Variants in ADAMTSL2 observed in about 807,000 individuals in gnomAD.
ADAMTSL2 encodes ADAMTS-like protein 2.
In ADAMTSL2, 55 loss-of-function variants were observed where a neutral mutation model predicts 117.0. The ratio of observed to expected loss-of-function variants is 0.47; its 90% CI spans 0.38 to 0.59. ADAMTSL2 has a LOEUF of 0.59. Ranked by LOEUF, ADAMTSL2 falls within the 20% of genes least tolerant of loss-of-function variation. ADAMTSL2 has a pLI of 0.00. For synonymous variants in ADAMTSL2, 572 were observed against 566.4 expected (o/e 1.01, Z -0.14); for missense variants, 1,182 against 1,354.5 (o/e 0.87, Z 2.00).
chr9:133,551,812 CTTTTTTTTTTTTTTTTT>C (rs56225051), intron 9 of ADAMTSL2, among the ~76,000 whole-genome samples: 1 of 111,064 alleles, frequency 9.0e-6, no homozygotes, highest in South Asian at 3.7e-4. Flanking sequence ...AAAGCAGCAG[CTTTTTTTTTTTTTTTTT>C]TTTTTTTTTG....
chr9:133,544,354 T>G (rs1207335616), intron 7 of ADAMTSL2, 116 bp from the exon 8 acceptor site: 1 of 890,200 alleles, frequency 1.1e-6, no homozygotes, highest in South Asian at 1.3e-5. Flanking sequence ...GGTGTGGGGG[T>G]TGGGCCAGCC....
chr9:133,570,427 G>C lies in ADAMTSL2; in HGVS notation c.2512G>C (p.Gly838Arg). ...GCAGACGCGCAGTGGCCCCGAGTGC[G>C]GGCTCGCCAAGAAGCCTCCCGAGGA... ...KPQTRSGPEC[G>R]LAKKPPEEST... The change falls in exon 17 of 19, where the codon GGG becomes CGG. Residue 838 changes from glycine to arginine, a missense_variant. By Grantham distance (125) the Gly-to-Arg change is moderately radical (BLOSUM62 -2). Coordinates refer to ENST00000651351, the MANE Select transcript of ADAMTSL2 (RefSeq NM_014694.4). The C allele has an allele frequency of 6.2e-7, 1 of 1,604,800 alleles. No homozygotes were observed. The highest frequency in any genetic ancestry group is 1.1e-5 in the South Asian group (1 of 89,422).
At chr9:133,539,401 C>G (rs920114470) in intron 4 of ADAMTSL2, among the ~76,000 whole-genome samples, 1 of 152,236 alleles carries the variant, frequency 6.6e-6, no homozygotes, top group Admixed American at 6.5e-5. Context: ...TGTCCCGTCA[C>G]TGTAGACACA....
chr9:133,537,005 G>C (rs775801310), intron 2 of ADAMTSL2, among the ~76,000 whole-genome samples: 1 of 152,224 alleles, frequency 6.6e-6, no homozygotes, highest in Non-Finnish European at 1.5e-5. Context: ...AGCCCCTGGC[G>C]ACTTGGCAGG....
rs543535933 is a variant in ADAMTSL2, at chr9:133,537,581, G to A, written c.233+34G>A. 2.4e-4 allele frequency: 323 copies of A among 1,336,698 alleles called. 1 individual carries two copies. The South Asian group carries it at 2.6e-3, about 11-fold the overall frequency. The allele number at this position is 1,336,698 out of a possible 1,614,324, so 82.8% of individuals were successfully genotyped here. A position where few individuals can be genotyped will look rare whatever the true frequency, so the allele number is the denominator to read the frequency against. ...TTGGGCACGTGGCCCTGAGGGGATG[G>A]CATGAGGGCAGGGTAGCGGGCAGGA... On this transcript the variant is annotated intron_variant, in intron 3 of 18. Coordinates refer to ENST00000651351, the MANE Select transcript of ADAMTSL2 (RefSeq NM_014694.4).
At position 133,536,566 on chromosome 9, in the gene ADAMTSL2, C is replaced by G. The variant is rs199857142; in HGVS notation, c.-147C>G. 38 of 1,574,390 alleles carry G rather than the reference C, an allele frequency of 2.4e-5. No individual in the cohort carries two copies. In the Middle Eastern group the frequency reaches 6.7e-4, roughly 28 times the overall value. ...GGGGGTTCATCCTTCCCAACAGGGT[C>G]TGCCAGACAACCACGACCAACTAGT... On this transcript the variant is annotated 5_prime_UTR_variant, in exon 2 of 19. Coordinates refer to ENST00000651351, the MANE Select transcript of ADAMTSL2 (RefSeq NM_014694.4).
At chr9:133,573,818 A>G (rs2131192091) in intron 17 of ADAMTSL2, 25 bp from the exon 18 acceptor site, 4 of 1,613,700 alleles carry the variant, frequency 2.5e-6, no homozygotes, top group Non-Finnish European at 2.5e-6. Flanking sequence ...GGCTTTCCCC[A>G]TGCCTTCTGT....
chr9:133,561,305 A>T lies in ADAMTSL2; in HGVS notation c.1747+10A>T. Reference sequence around the variant, plus strand: ...GCCACCTGCACCACAGGTACTGGTCACGGGTGCCAAGGGGCAGCAACTGCC... The same window carrying T: ...GCCACCTGCACCACAGGTACTGGTCTCGGGTGCCAAGGGGCAGCAACTGCC... On this transcript the variant is annotated intron_variant, in intron 12 of 18. Transcript: ENST00000651351. 1 of 1,580,700 alleles carries T rather than the reference A, an allele frequency of 6.3e-7. No homozygotes were observed. Among genetic ancestry groups the T allele is most frequent in the South Asian group, 1.2e-5 (1 of 86,614 alleles).
chr9:133,548,491 G>C (rs565033774), intron 9 of ADAMTSL2, among the ~76,000 whole-genome samples: 202 of 152,264 alleles, frequency 1.3e-3, no homozygotes, highest in African/African-American at 4.1e-3. Context: ...TAGACTCTGA[G>C]GTGGGGGTTT....
At position 133,537,509 on chromosome 9, in the gene ADAMTSL2, TG is replaced by T; in HGVS notation, c.199del (p.Val67Ter). Reference protein sequence around the residue: ...WTACSRSCGGGVTSQERHCLQ... With the variant: ...WTACSRSCGGXVTSQERHCLQ... ...CGGCGTGTTCCCGCAGTTGCGGGGG[TG>T]GGGTGACATCCCAGGAGCGGCACTG... On this transcript the variant is annotated frameshift_variant, in exon 3 of 19. Transcript: ENST00000651351. LOFTEE classifies it high-confidence loss of function. 1 of 1,346,106 alleles carries T rather than the reference TG, an allele frequency of 7.4e-7. No individual in the cohort carries two copies. The highest frequency in any genetic ancestry group is 2.8e-5 in the East Asian group (1 of 35,956). The allele number at this position is 1,346,106 out of a possible 1,614,324, so 83.4% of individuals were successfully genotyped here. A position where few individuals can be genotyped will look rare whatever the true frequency, so the allele number is the denominator to read the frequency against.
At chr9:133,546,752 C>T (rs1830357630) in intron 8 of ADAMTSL2, among the ~76,000 whole-genome samples, 2 of 152,210 alleles carry the variant, frequency 1.3e-5, no homozygotes. Flanking sequence ...TGCAGCCCCT[C>T]AGCTTCTTCA....
intron 12 of ADAMTSL2, among the ~76,000 whole-genome samples, chr9:133,563,992 A>G (rs1588302678): frequency 8.4e-5 from 1 of 11,920 alleles, no homozygotes; most frequent in African/African-American, 5.4e-4. Context: ...AGAGAGGGAG[A>G]GAGAGAGAGA....
Position 133,539,757 on chromosome 9 carries a change from C to G in ADAMTSL2, c.310-14C>G. On this transcript the variant is annotated splice_polypyrimidine_tract_variant and intron_variant, in intron 4 of 18. Transcript: ENST00000651351. ...GAGTTCCTCCCGGAGCCTCCCTGTC[C>G]CTTCGCTTCCCAGGAGTGTCCGCCG... 1 of 1,431,118 alleles carries G rather than the reference C, an allele frequency of 7.0e-7. No homozygotes were observed. Among genetic ancestry groups the G allele is most frequent in the Non-Finnish European group, 9.2e-7 (1 of 1,086,966 alleles). 88.7% of individuals were successfully genotyped at this position (1,431,118 alleles called of 1,614,324 possible).
At chr9:133,570,264 C>T (rs1049320317) in intron 16 of ADAMTSL2, 67 bp from the exon 17 acceptor site, 99 of 1,516,380 alleles carry the variant, frequency 6.5e-5, no homozygotes, top group Admixed American at 1.2e-4. Flanking sequence ...CCAGAGTCGC[C>T]GTGGGCCCTG....
Position 133,540,741 on chromosome 9 carries a change from G to C in ADAMTSL2, c.556G>C (p.Glu186Gln). 6.2e-7 allele frequency: 1 copy of C among 1,613,888 alleles called. No homozygotes were observed. The highest frequency in any genetic ancestry group is 8.5e-7 in the Non-Finnish European group (1 of 1,180,042). Residue 186 changes from glutamate to glutamine, a missense_variant and splice_region_variant, in exon 6 of 19, where the codon GAG (glutamate) becomes CAG (glutamine). This residue lies in a region of ADAMTSL2 where 372 missense variants were observed against 463.4 expected (regional missense o/e 0.80). Transcript: ENST00000651351. ...AGGGGTTTGCGTGTCTGGAAAATGT[G>C]AGGTTGTTAAACGTTGTAGCAAAAG... ...LRGVCVSGKC[E>Q]PIGCDGVLFS...
chr9:133,565,874 C>CACACACACAT (rs1412659047), intron 12 of ADAMTSL2, among the ~76,000 whole-genome samples: 24 of 151,956 alleles, frequency 1.6e-4, no homozygotes, highest in Admixed American at 4.6e-4. Context: ...CACACACACA[C>CACACACACAT]AGCCACAGCA....
chr9:133,539,855 T>C lies in ADAMTSL2; in HGVS notation c.394T>C (p.Trp132Arg). Reference protein sequence around the residue: ...SHVYNGRTHQWKPLYPDDYVH... With the variant: ...SHVYNGRTHQRKPLYPDDYVH... ...CGTGTACAACGGGCGGACGCACCAG[T>C]GGAAGCCTCTGTACCCGGGTACCTG... The change falls in exon 5 of 19, where the codon TGG (tryptophan) becomes CGG (arginine). Residue 132 changes from tryptophan (W) to arginine (R), a missense_variant. Trp to Arg is a moderately radical substitution (Grantham distance 101). Coordinates refer to ENST00000651351, the MANE Select transcript of ADAMTSL2 (RefSeq NM_014694.4). 1 of 1,550,878 alleles carries C rather than the reference T, an allele frequency of 6.4e-7. No homozygotes were observed. The highest frequency in any genetic ancestry group is 8.7e-7 in the Non-Finnish European group (1 of 1,146,978).
At chr9:133,570,566 G>T in intron 17 of ADAMTSL2, 59 bp downstream of exon 17, 1 of 1,543,842 alleles carries the variant, frequency 6.5e-7, no homozygotes. Context: ...TGTCGATCCC[G>T]CCCCTCCCGC....
chr9:133,555,765 T>G lies in ADAMTSL2; in HGVS notation c.1484T>G (p.Phe495Cys). Residue 495 changes from phenylalanine (F) to cysteine (C), a missense_variant, in exon 11 of 19, where the codon TTC becomes TGC. Transcript: ENST00000651351. ...GAPRSSLAES[F>C]FVDYEENEGA... Reference sequence around the variant, plus strand: ...CCAAGGAGCTCCCTGGCCGAGAGCTTCTTCGTGGATTATGAGGAGAACGAG... The same window carrying G: ...CCAAGGAGCTCCCTGGCCGAGAGCTGCTTCGTGGATTATGAGGAGAACGAG... 6.2e-7 allele frequency: 1 copy of G among 1,614,026 alleles called. No individual in the cohort carries two copies. Among genetic ancestry groups the G allele is most frequent in the Non-Finnish European group, 8.5e-7 (1 of 1,180,026 alleles).
Sources: allele counts gnomAD v4.1 joint callset (sites outside exome capture counted in the v4.1 genomes callset), GRCh38; gene constraint gnomAD v4.1.1; regional missense constraint gnomAD v4.1.1; transcripts MANE v1.5; gene names NCBI Gene and HGNC (gene_info 2026-07-23, HGNC 2026-07-21).